The following RHBDL3 variants were observed in gnomAD, a reference collection of about 807,000 sequenced individuals.
RHBDL3 encodes the protein rhomboid like 3.
In RHBDL3, 28 loss-of-function variants were observed where a neutral mutation model predicts 48.2. The observed-to-expected ratio is 0.58, with a 90% CI of 0.43 to 0.80. The LOEUF (loss-of-function observed/expected upper bound fraction) is 0.80. RHBDL3 is among the 30% of genes least tolerant of loss of function. The pLI is 0.00. For synonymous variants in RHBDL3, 208 were observed against 232.3 expected, an observed-to-expected ratio of 0.90 and a Z score of 0.95; for missense variants, 464 against 542.7, an observed-to-expected ratio of 0.85 and a Z score of 1.44.
In RHBDL3 at chr17:32,321,111, A is replaced by G. The variant is rs752493064; in HGVS notation, c.1097A>G (p.Gln366Arg). 2 of 1,614,264 alleles carry G rather than the reference A, an allele frequency of 1.2e-6. No individual in the cohort carries two copies. Among genetic ancestry groups the G allele is most frequent in the Admixed American group, 1.7e-5 (1 of 60,036 alleles). ...VVLRNYEQRL[Q>R]DQSLWWIFVA... ...CTGAGGAACTACGAGCAGAGGCTCC[A>G]GGACCAGTCACTGTGGTGGATTTTT... Residue 366 changes from glutamine (Q) to arginine (R), a missense_variant, in exon 9 of 9, where the codon CAG becomes CGG. Gln to Arg is a conservative substitution (Grantham distance 43). Transcript: ENST00000269051.
chr17:32,308,103 G>C (rs146132932), intron 7 of RHBDL3, among the ~76,000 whole-genome samples: 1 of 152,184 alleles, frequency 6.6e-6, no homozygotes, highest in Non-Finnish European at 1.5e-5. Context: ...CACGTTTGTC[G>C]AGAGAGGTGT....
intron 2 of RHBDL3, among the ~76,000 whole-genome samples, chr17:32,278,807 A>T (rs1043985568): frequency 2.0e-5 from 3 of 152,166 alleles, no homozygotes; most frequent in Non-Finnish European, 1.5e-5. Context: ...AAGTTAGGAC[A>T]CTTTGAGAGT....
chr17:32,300,093 A>G (rs1180464428), intron 6 of RHBDL3, among the ~76,000 whole-genome samples: 1 of 152,214 alleles, frequency 6.6e-6, no homozygotes, highest in African/African-American at 2.4e-5. Flanking sequence ...AGATATGGAA[A>G]CCAAGGCTTA....
At chr17:32,313,173 T>G (rs1455542117) in intron 7 of RHBDL3, among the ~76,000 whole-genome samples, 3 of 151,836 alleles carry the variant, frequency 2.0e-5, no homozygotes, top group Admixed American at 6.6e-5. Flanking sequence ...CCTGACAACA[T>G]AGTGAAGTTC....
At chr17:32,313,474 C>T (rs1260201388) in intron 7 of RHBDL3, among the ~76,000 whole-genome samples, 2 of 152,192 alleles carry the variant, frequency 1.3e-5, no homozygotes, top group African/African-American at 4.8e-5. Flanking sequence ...TAAGTACATT[C>T]ATACATTCAC....
intron 4 of RHBDL3, among the ~76,000 whole-genome samples, chr17:32,291,003 GAAAAAAA>G (rs35673676): frequency 2.9e-5 from 3 of 102,896 alleles, no homozygotes; most frequent in Non-Finnish European, 4.0e-5. Context: ...CCTGTCTCAA[GAAAAAAA>G]AAAAAAAAAA....
intron 2 of RHBDL3, among the ~76,000 whole-genome samples, chr17:32,275,874 C>CCTGG (rs2039884768): frequency 6.6e-6 from 1 of 152,142 alleles, no homozygotes; most frequent in Non-Finnish European, 1.5e-5. Context: ...CTGTCAGGGG[C>CCTGG]CTGGCCTGGC....
At chr17:32,306,581 G>A (rs1325639089) in intron 7 of RHBDL3, among the ~76,000 whole-genome samples, 2 of 152,106 alleles carry the variant, frequency 1.3e-5, no homozygotes, top group South Asian at 2.1e-4. Flanking sequence ...GCTACACTCT[G>A]GGCAAATTAC....
Position 32,284,734 on chromosome 17 carries a change from G to C in RHBDL3, c.211G>C (p.Asp71His). The C allele has an allele frequency of 5.0e-6, 8 of 1,614,116 alleles. No individual in the cohort carries two copies. The highest frequency in any genetic ancestry group is 6.8e-6 in the Non-Finnish European group (8 of 1,180,006). ...SLLESHSSKL[D>H]PHKREVLLAL... ...TCTGGAGAGCCACAGCTCCAAGCTG[G>C]ACCCGCACAAAAGGGAGGTCCTCCT... The change falls in exon 3 of 9, where the codon GAC becomes CAC. Residue 71 changes from aspartate (D) to histidine (H), a missense_variant. By Grantham distance (81) the Asp-to-His change is moderately conservative. Coordinates refer to ENST00000269051, the MANE Select transcript of RHBDL3 (RefSeq NM_138328.3).
chr17:32,279,924 T>C (rs7216622), intron 2 of RHBDL3, among the ~76,000 whole-genome samples: 86,660 of 152,028 alleles, frequency 0.57, 27,919 homozygotes, highest in African/African-American at 0.89. Flanking sequence ...TCAGTTCCCC[T>C]ACCTAGATGG....
intron 2 of RHBDL3, 79 bp from the exon 3 acceptor site, chr17:32,284,580 G>A (rs2040149774): frequency 2.1e-6 from 3 of 1,407,470 alleles, no homozygotes; most frequent in African/African-American, 1.4e-5. Flanking sequence ...GTGAATAGTG[G>A]TGGAGATCAG....
At chr17:32,284,387 T>C (rs906277240) in intron 2 of RHBDL3, 15 of 374,404 alleles carry the variant, frequency 4.0e-5, no homozygotes, top group Non-Finnish European at 6.8e-5. Flanking sequence ...TCCCTCTCCA[T>C]GGTGAGAGGA....
intron 6 of RHBDL3, among the ~76,000 whole-genome samples, chr17:32,304,322 C>T (rs1010564015): frequency 2.0e-5 from 3 of 152,172 alleles, no homozygotes; most frequent in Non-Finnish European, 4.4e-5. Context: ...TAACCCTAAG[C>T]AGTTTTCTAG....
chr17:32,276,664 G>A (rs184422096), intron 2 of RHBDL3, among the ~76,000 whole-genome samples: 14 of 148,514 alleles, frequency 9.4e-5, no homozygotes, highest in African/African-American at 2.5e-4. Context: ...CCCTAGCACC[G>A]GACTCCAGCG....
intron 2 of RHBDL3, among the ~76,000 whole-genome samples, chr17:32,270,987 G>A (rs1048996407): frequency 1.3e-5 from 2 of 152,122 alleles, no homozygotes; most frequent in African/African-American, 4.8e-5. Context: ...CTTGAGCCCA[G>A]GAGTTAAAGA....
intron 7 of RHBDL3, among the ~76,000 whole-genome samples, chr17:32,312,170 C>T (rs1365021913): frequency 6.6e-6 from 1 of 152,202 alleles, no homozygotes; most frequent in Non-Finnish European, 1.5e-5. Context: ...CTTGGTGGCT[C>T]ACGCCCTACA....
chr17:32,268,933 G>A (rs985328600), intron 2 of RHBDL3, among the ~76,000 whole-genome samples: 1 of 152,142 alleles, frequency 6.6e-6, no homozygotes, highest in Non-Finnish European at 1.5e-5. Flanking sequence ...GAGGCAAGAA[G>A]GTGACAGTGA....
chr17:32,288,739 G>A (rs944387175), intron 3 of RHBDL3, 53 bp from the exon 4 acceptor site: 190 of 1,385,414 alleles, frequency 1.4e-4, no homozygotes, highest in Middle Eastern at 2.5e-4. Flanking sequence ...AGTGGGTGGG[G>A]AGCTCCGCTG....
chr17:32,305,641 G>A (rs1567784152), intron 7 of RHBDL3, among the ~76,000 whole-genome samples, 200 bp downstream of exon 7: 1 of 152,126 alleles, frequency 6.6e-6, no homozygotes, highest in Non-Finnish European at 1.5e-5. Flanking sequence ...CTCCAGTCAC[G>A]GCTTGGCCTA....
Sources: allele counts gnomAD v4.1 joint callset (sites outside exome capture counted in the v4.1 genomes callset), GRCh38; gene constraint gnomAD v4.1.1; transcripts MANE v1.5; gene names NCBI Gene and HGNC (gene_info 2026-07-23, HGNC 2026-07-21).